HECW1: variants seen among roughly 807,000 people sequenced by gnomAD.
The protein encoded by HECW1 is E3 ubiquitin-protein ligase HECW1.
A neutral mutation model predicts 182.3 loss-of-function variants in HECW1; 61 were observed. The observed-to-expected ratio is 0.33, with a 90% confidence interval of 0.27 to 0.41. HECW1 has a LOEUF of 0.41. HECW1 is among the 10% of genes least tolerant of loss of function. HECW1 has a pLI of 1.00. For synonymous variants in HECW1, 859 were observed against 832.6 expected (o/e 1.03, Z -0.55); for missense variants, 1,739 against 2,108.9 (o/e 0.82, Z 3.44).
In HECW1 at chr7:43,308,659, C is replaced by T. The variant is rs571963291; in HGVS notation, c.28-3104C>T. On this transcript the variant is annotated intron_variant, in intron 3 of 29. Transcript: ENST00000395891. ...TTTTTTTTTGAGACGGGGTCTCGCT[C>T]TTGTTGCCCAGGAGTGCAGTGGCAC... Among the ~76,000 whole-genome samples the T allele has an allele frequency of 3.3e-5, 5 of 150,430 alleles. No homozygotes were observed. In the East Asian group the frequency reaches 9.8e-4, roughly 29 times the overall value.
chr7:43,534,775 A>AATTATGTAATTCTGTTT (rs2081116069), intron 24 of HECW1, among the ~76,000 whole-genome samples: 1 of 152,230 alleles, frequency 6.6e-6, no homozygotes, highest in Admixed American at 6.5e-5. Flanking sequence ...GCTGTTTGTA[A>AATTATGTAATTCTGTTT]GCAGAGCAGA....
chr7:43,444,144 A>G lies in HECW1; in HGVS notation c.1046-74A>G. 4 of 1,425,806 alleles carry G rather than the reference A, an allele frequency of 2.8e-6. No individual in the cohort carries two copies. The highest frequency in any genetic ancestry group is 2.7e-5 in the South Asian group (2 of 73,534). 88.3% of individuals were successfully genotyped at this position (1,425,806 alleles called of 1,614,324 possible). ...TAGAAATCCCTTAGTGATGGCTTAC[A>G]TGTCCCACAGGGTATCCTAACACCA... On this transcript the variant is annotated intron_variant, in intron 10 of 29. Transcript: ENST00000395891. The surrounding 1 kb of genome is among the most constrained non-coding windows in gnomAD (Gnocchi z 4.3).
chr7:43,129,280 G>T (rs1351170463), intron 2 of HECW1, among the ~76,000 whole-genome samples: 1 of 152,102 alleles, frequency 6.6e-6, no homozygotes, highest in African/African-American at 2.4e-5. Flanking sequence ...AATTACCACG[G>T]TCACCCAACC....
At chr7:43,540,991 G>A (rs1369910660) in intron 24 of HECW1, among the ~76,000 whole-genome samples, 172 bp from the exon 25 acceptor site, 2 of 152,218 alleles carry the variant, frequency 1.3e-5, no homozygotes, top group Non-Finnish European at 2.9e-5. Flanking sequence ...CACAGGGATT[G>A]TTCATGGTAA....
intron 29 of HECW1, among the ~76,000 whole-genome samples, chr7:43,556,250 G>A (rs1485350638): frequency 6.6e-6 from 1 of 152,210 alleles, no homozygotes; most frequent in Non-Finnish European, 1.5e-5. Context: ...CTTCCAGGCT[G>A]AAGCAATAAC....
At chr7:43,258,155 C>CA (rs1800780433) in intron 3 of HECW1, among the ~76,000 whole-genome samples, 1 of 152,036 alleles carries the variant, frequency 6.6e-6, no homozygotes, top group Non-Finnish European at 1.5e-5. Flanking sequence ...GCCTGGCCAA[C>CA]ATGGTGAAAC....
chr7:43,162,325 G>C (rs1790630292), intron 2 of HECW1, among the ~76,000 whole-genome samples: 1 of 152,208 alleles, frequency 6.6e-6, no homozygotes, highest in Non-Finnish European at 1.5e-5. Context: ...GCATTGGCAG[G>C]GCTGTACTCC....
chr7:43,231,559 G>A (rs62458222), intron 2 of HECW1, among the ~76,000 whole-genome samples: 1,788 of 152,296 alleles, frequency 0.012, 21 homozygotes, highest in Non-Finnish European at 0.018. Flanking sequence ...GTAGACCTTG[G>A]ATGGTGCCAG....
chr7:43,560,444 G>A (rs897265561), intron 29 of HECW1, among the ~76,000 whole-genome samples: 3 of 152,128 alleles, frequency 2.0e-5, no homozygotes, highest in Non-Finnish European at 4.4e-5. Context: ...GAGCTTGAGC[G>A]GGGAAAGGGA....
rs1303264825 is a variant in HECW1, at chr7:43,243,746, T to C, written c.-31-129T>C. 2 of 724,412 alleles carry C rather than the reference T, an allele frequency of 2.8e-6. No individual in the cohort carries two copies. Among genetic ancestry groups the C allele is most frequent in the African/African-American group, 3.4e-5 (2 of 58,170 alleles). The allele number at this position is 724,412 out of a possible 1,614,324, so 44.9% of individuals were successfully genotyped here. A position where few individuals can be genotyped will look rare whatever the true frequency, so the allele number is the denominator to read the frequency against. On this transcript the variant is annotated intron_variant, in intron 2 of 29. Coordinates refer to ENST00000395891, the MANE Select transcript of HECW1 (RefSeq NM_015052.5). The surrounding 1 kb of genome is among the most constrained non-coding windows in gnomAD (Gnocchi z 4.0). ...GTGGTCCTTGTGTGATTTTTCCTTT[T>C]GCACGTCGGTTGCCCAGGCCAGGTA...
At chr7:43,475,697 CA>C (rs2078195985) in intron 16 of HECW1, among the ~76,000 whole-genome samples, 1 of 152,072 alleles carries the variant, frequency 6.6e-6, no homozygotes, top group African/African-American at 2.4e-5. Context: ...ACCACAGATG[CA>C]AAACCACTAC....
At chr7:43,120,078 C>G (rs1785433254) in intron 2 of HECW1, among the ~76,000 whole-genome samples, 2 of 152,224 alleles carry the variant, frequency 1.3e-5, no homozygotes, top group Admixed American at 1.3e-4. Context: ...AAAACAGTCA[C>G]AAGTCCTTGT....
intron 8 of HECW1, among the ~76,000 whole-genome samples, chr7:43,427,853 T>G (rs868363126): frequency 6.6e-6 from 1 of 152,196 alleles, no homozygotes; most frequent in South Asian, 2.1e-4. Context: ...GAATGTCCCT[T>G]GCATTGAATC....
At chr7:43,254,883 G>A (rs1205783062) in intron 3 of HECW1, among the ~76,000 whole-genome samples, 1 of 152,164 alleles carries the variant, frequency 6.6e-6, no homozygotes, top group Non-Finnish European at 1.5e-5. Flanking sequence ...TATGTCACTA[G>A]AAGAAGGGAT....
At chr7:43,345,428 T>G (rs1032662785) in intron 5 of HECW1, among the ~76,000 whole-genome samples, 22 of 152,260 alleles carry the variant, frequency 1.4e-4, no homozygotes, top group African/African-American at 5.3e-4. Context: ...ATTTTTATTT[T>G]TATTATTTTA....
rs754996920 is a variant in HECW1, at chr7:43,311,881, A to G, written c.146A>G (p.His49Arg). ...LRYSYNPDQF[H>R]NMDLRGGPHD... ...TACAGCTACAACCCCGACCAGTTCCACAACATGGACCTCAGGGGCGGCCCC... is the reference window on the plus strand; with the variant it reads ...TACAGCTACAACCCCGACCAGTTCCGCAACATGGACCTCAGGGGCGGCCCC... The change falls in exon 4 of 30, where the codon CAC becomes CGC. Residue 49 changes from histidine to arginine, a missense_variant. His to Arg is a conservative substitution (Grantham distance 29, BLOSUM62 0). This residue lies in a region of HECW1 where 279 missense variants were observed against 353.1 expected (regional missense o/e 0.79). Transcript: ENST00000395891. 19 of 1,614,124 alleles carry G rather than the reference A, an allele frequency of 1.2e-5. No homozygotes were observed. In the South Asian group the frequency reaches 1.6e-4, roughly 14 times the overall value.
At chr7:43,185,005 G>T (rs1205663756) in intron 2 of HECW1, among the ~76,000 whole-genome samples, 1 of 152,008 alleles carries the variant, frequency 6.6e-6, no homozygotes, top group Non-Finnish European at 1.5e-5. Flanking sequence ...CCACCCCCAT[G>T]ATCCAGTCAC....
At chr7:43,273,176 G>A (rs1424359061) in intron 3 of HECW1, among the ~76,000 whole-genome samples, 1 of 152,144 alleles carries the variant, frequency 6.6e-6, no homozygotes, top group Non-Finnish European at 1.5e-5. Context: ...CTAGAAGGGG[G>A]ATGGAGGGAG....
intron 17 of HECW1, among the ~76,000 whole-genome samples, chr7:43,488,617 G>C (rs1402243653): frequency 6.6e-6 from 1 of 152,230 alleles, no homozygotes; most frequent in East Asian, 1.9e-4. Context: ...TTTAGTACCA[G>C]TACAGGGCTT....
Sources: allele counts gnomAD v4.1 joint callset (sites outside exome capture counted in the v4.1 genomes callset), GRCh38; gene constraint gnomAD v4.1.1; regional missense constraint gnomAD v4.1.1; non-coding constraint Gnocchi (gnomAD v3.1); transcripts MANE v1.5; gene names NCBI Gene and HGNC (gene_info 2026-07-23, HGNC 2026-07-21).